The following EPHA3 variants were observed in gnomAD, a reference collection of about 807,000 sequenced individuals.
EPHA3 encodes the protein ephrin type-A receptor 3.
Under a neutral mutation model 107.1 loss-of-function variants are expected in EPHA3, and 42 were observed. The ratio of observed to expected loss-of-function variants is 0.39; its 90% CI spans 0.31 to 0.51. The LOEUF is 0.51. Ranked by LOEUF, EPHA3 falls within the 20% of genes least tolerant of loss-of-function variation. The pLI is 0.78. For missense variants in EPHA3, 1,183 were observed against 1,211.2 expected, an observed-to-expected ratio of 0.98 and a Z score of 0.35; for synonymous variants, 461 against 424.8, an observed-to-expected ratio of 1.09 and a Z score of -1.05.
intron 3 of EPHA3, among the ~76,000 whole-genome samples, chr3:89,241,714 A>AT (rs980420548): frequency 1.3e-5 from 2 of 152,140 alleles, no homozygotes; most frequent in Non-Finnish European, 2.9e-5. Flanking sequence ...CCCCTGCATG[A>AT]TTTTAAGAGA....
chr3:89,417,208 A>G (rs1709266969), intron 10 of EPHA3, among the ~76,000 whole-genome samples: 1 of 151,514 alleles, frequency 6.6e-6, no homozygotes, highest in African/African-American at 2.4e-5. Context: ...CCATAGAGAT[A>G]GGAAAAGATA....
At chr3:89,203,143 T>A (rs1184432118) in intron 2 of EPHA3, among the ~76,000 whole-genome samples, 1 of 151,962 alleles carries the variant, frequency 6.6e-6, no homozygotes, top group African/African-American at 2.4e-5. Flanking sequence ...TCAGTTCAGG[T>A]AGAGTGCAGA....
At chr3:89,361,813 G>A (rs1708097377) in intron 5 of EPHA3, among the ~76,000 whole-genome samples, 2 of 151,076 alleles carry the variant, frequency 1.3e-5, no homozygotes, top group Non-Finnish European at 3.0e-5. Flanking sequence ...GACCACATGA[G>A]AGCTGGCTTT....
At chr3:89,133,220 G>T (rs1704243774) in intron 2 of EPHA3, among the ~76,000 whole-genome samples, 1 of 152,132 alleles carries the variant, frequency 6.6e-6, no homozygotes, top group Non-Finnish European at 1.5e-5. Flanking sequence ...TGAAGTCTCA[G>T]CAGGCACCTC....
chr3:89,208,919 T>C (rs1314027660), intron 2 of EPHA3, among the ~76,000 whole-genome samples: 1 of 152,050 alleles, frequency 6.6e-6, no homozygotes, highest in African/African-American at 2.4e-5. Context: ...GTAAGCAAAA[T>C]GGGGCATAAG....
chr3:89,356,145 C>T (rs1032556403), intron 5 of EPHA3, among the ~76,000 whole-genome samples: 1 of 150,658 alleles, frequency 6.6e-6, no homozygotes, highest in African/African-American at 2.4e-5. Context: ...CATCCATGTC[C>T]CTACAGAGGA....
At chr3:89,393,954 G>T (rs1708797094) in intron 5 of EPHA3, among the ~76,000 whole-genome samples, 1 of 141,014 alleles carries the variant, frequency 7.1e-6, no homozygotes, top group African/African-American at 2.8e-5. Context: ...CCAATTTAGG[G>T]ACTAAAATAG....
intron 2 of EPHA3, among the ~76,000 whole-genome samples, chr3:89,185,159 A>G (rs1339885853): frequency 3.3e-5 from 5 of 152,022 alleles, no homozygotes; most frequent in Non-Finnish European, 7.4e-5. Context: ...GTATAATTCA[A>G]AGTCAAAGCA....
At chr3:89,359,760 C>T (rs1559663590) in intron 5 of EPHA3, among the ~76,000 whole-genome samples, 1 of 137,264 alleles carries the variant, frequency 7.3e-6, no homozygotes, top group Non-Finnish European at 1.6e-5. Flanking sequence ...CATATATACA[C>T]ATATATACAC....
chr3:89,234,655 T>C (rs1279068670), intron 3 of EPHA3, among the ~76,000 whole-genome samples: 1 of 151,900 alleles, frequency 6.6e-6, no homozygotes, highest in East Asian at 1.9e-4. Flanking sequence ...TTGGAGGGGA[T>C]TTATTTCTTC....
chr3:89,224,784 G>C lies in EPHA3; in HGVS notation c.814+14264G>C, dbSNP rs183065661. 2.0e-4 allele frequency among the ~76,000 whole-genome samples: 30 copies of C among 152,082 alleles called. No homozygotes were observed. In the East Asian group the frequency reaches 5.4e-3, roughly 27 times the overall value. ...AAATTGCTTGAATCCTGGAGGCGGA[G>C]GTTGCAGTGAGACAAGATCATGTCG... On this transcript the variant is annotated intron_variant, in intron 3 of 16. Coordinates refer to ENST00000336596, the MANE Select transcript of EPHA3 (RefSeq NM_005233.6).
intron 2 of EPHA3, among the ~76,000 whole-genome samples, chr3:89,188,580 C>G (rs1003357919): frequency 1.3e-5 from 2 of 152,194 alleles, no homozygotes; most frequent in Non-Finnish European, 2.9e-5. Flanking sequence ...ATATCACCAT[C>G]TACATATTGA....
Position 89,479,411 on chromosome 3 carries a change from T to G in EPHA3, c.2861T>G (p.Val954Gly), listed in dbSNP as rs769685099. 1 of 1,613,980 alleles carries G rather than the reference T, an allele frequency of 6.2e-7. No homozygotes were observed. Among genetic ancestry groups the G allele is most frequent in the Non-Finnish European group, 8.5e-7 (1 of 1,179,854 alleles). Reference sequence around the variant, plus strand: ...TTTTTTTACAGTGACATGAAAAAGGTTGGTGTCACCGTGGTTGGGCCACAG... The same window carrying G: ...TTTTTTTACAGTGACATGAAAAAGGGTGGTGTCACCGTGGTTGGGCCACAG... ...AKISTDDMKKVGVTVVGPQKK... is the reference protein window; with the variant it reads ...AKISTDDMKKGGVTVVGPQKK... The change falls in exon 17 of 17, where the codon GTT (valine) becomes GGT (glycine). Residue 954 changes from valine to glycine, a missense_variant. Physicochemically the swap from Val to Gly is moderately radical, Grantham distance 109 (BLOSUM62 -3). Coordinates refer to ENST00000336596, the MANE Select transcript of EPHA3 (RefSeq NM_005233.6).
intron 2 of EPHA3, among the ~76,000 whole-genome samples, chr3:89,162,993 G>A (rs762342581): frequency 3.9e-5 from 6 of 152,200 alleles, no homozygotes; most frequent in East Asian, 3.9e-4. Flanking sequence ...CAACATAGTC[G>A]CACAACAAAC....
intron 3 of EPHA3, among the ~76,000 whole-genome samples, chr3:89,298,077 C>T (rs1305317569): frequency 1.3e-5 from 2 of 152,048 alleles, no homozygotes; most frequent in Non-Finnish European, 2.9e-5. Context: ...CCACCTAACG[C>T]CCCATGAATC....
intron 3 of EPHA3, among the ~76,000 whole-genome samples, chr3:89,338,841 T>G (rs371287604): frequency 1.3e-5 from 2 of 152,214 alleles, no homozygotes; most frequent in East Asian, 1.9e-4. Context: ...CACTTTTTGT[T>G]TCTATTACAG....
intron 3 of EPHA3, among the ~76,000 whole-genome samples, chr3:89,213,534 C>A (rs546919192): frequency 5.3e-5 from 8 of 151,760 alleles, no homozygotes; most frequent in Non-Finnish European, 8.8e-5. Context: ...TGCAGCCAGG[C>A]AATAATAGAT....
intron 16 of EPHA3, 106 bp downstream of exon 16, chr3:89,472,725 T>C (rs1414538290): frequency 1.5e-6 from 2 of 1,299,368 alleles, no homozygotes; most frequent in Admixed American, 2.4e-5. Flanking sequence ...CAAATATTAG[T>C]GGTAGATCTG....
chr3:89,134,625 C>A (rs1048285619), intron 2 of EPHA3, among the ~76,000 whole-genome samples: 28 of 152,254 alleles, frequency 1.8e-4, no homozygotes, highest in African/African-American at 6.5e-4. Flanking sequence ...CATTGTTCGA[C>A]ATTTGGGTTG....
Sources: allele counts gnomAD v4.1 joint callset (sites outside exome capture counted in the v4.1 genomes callset), GRCh38; gene constraint gnomAD v4.1.1; transcripts MANE v1.5; gene names NCBI Gene and HGNC (gene_info 2026-07-23, HGNC 2026-07-21).